Variants in FSTL4 observed in about 807,000 individuals in gnomAD.
FSTL4 encodes the protein follistatin-related protein 4.
A neutral mutation model predicts 78.2 loss-of-function variants in FSTL4; 28 were observed. The observed-to-expected ratio is 0.36, with a 90% CI of 0.27 to 0.49. The LOEUF is 0.49. FSTL4 is among the 20% of genes least tolerant of loss of function. The pLI, the probability that FSTL4 is intolerant of heterozygous loss-of-function variation, is 0.98. For synonymous variants in FSTL4, 422 were observed against 440.5 expected (o/e 0.96, Z 0.53); for missense variants, 922 against 1,084.9 (o/e 0.85, Z 2.11).
At chr5:133,618,999 T>C in the FSTL4 span, among the ~76,000 whole-genome samples, 1 of 152,222 alleles carries the variant, frequency 6.6e-6, no homozygotes, top group African/African-American at 2.4e-5. Flanking sequence ...TCAAAGTATA[T>C]TTCTCTCTTC....
At position 133,199,469 on chromosome 5, in the gene FSTL4, G is replaced by C; in HGVS notation, c.2155C>G (p.Arg719Gly). The C allele has an allele frequency of 1.2e-6, 2 of 1,614,184 alleles. No homozygotes were observed. The highest frequency in any genetic ancestry group is 4.5e-5 in the East Asian group (2 of 44,876). ...PWLHVQEITVRGEIQTLYDLQ... is the reference protein window; with the variant it reads ...PWLHVQEITVGGEIQTLYDLQ... ...TCATACAGGGTCTGGATCTCGCCCC[G>C]CACTGTGATCTCCTGCACGTGCAGC... The change falls in exon 16 of 16, where the codon CGG becomes GGG. Residue 719 changes from arginine (R) to glycine (G), a missense_variant. Arg to Gly is a moderately radical substitution (Grantham distance 125). Coordinates refer to ENST00000265342, the MANE Select transcript of FSTL4 (RefSeq NM_015082.2). This position sits in a 1 kb window ranked among gnomAD's most constrained non-coding sequence, Gnocchi z 4.4.
chr5:133,631,080 A>C, the FSTL4 span, among the ~76,000 whole-genome samples: 1 of 152,226 alleles, frequency 6.6e-6, no homozygotes, highest in African/African-American at 2.4e-5. Context: ...TTCAGGACAC[A>C]GGCATGGGCA....
the FSTL4 span, among the ~76,000 whole-genome samples, chr5:133,703,017 T>C: frequency 1.1e-4 from 16 of 152,122 alleles, no homozygotes; most frequent in African/African-American, 3.6e-4. Context: ...AGGGAGGCCC[T>C]GTGGGCAGGA....
At chr5:133,704,551 G>A in the FSTL4 span, among the ~76,000 whole-genome samples, 10 of 152,212 alleles carry the variant, frequency 6.6e-5, no homozygotes, top group African/African-American at 1.2e-4. Flanking sequence ...CAAAGGCACC[G>A]GGTTGCCATT....
At chr5:133,532,683 T>C (rs1248866050) in intron 3 of FSTL4, among the ~76,000 whole-genome samples, 3 of 152,180 alleles carry the variant, frequency 2.0e-5, no homozygotes, top group South Asian at 2.1e-4. Context: ...AAAATGTACA[T>C]TGCACGGTAA....
chr5:133,833,168 C>T, the FSTL4 span, among the ~76,000 whole-genome samples: 1 of 152,082 alleles, frequency 6.6e-6, no homozygotes, highest in South Asian at 2.1e-4. Context: ...GGAGCAGAGC[C>T]CACAGTCAGT....
At chr5:133,840,393 G>C in the FSTL4 span, among the ~76,000 whole-genome samples, 1 of 152,210 alleles carries the variant, frequency 6.6e-6, no homozygotes, top group Non-Finnish European at 1.5e-5. Context: ...AAGGTAGTAG[G>C]TTTAGTGAGA....
At chr5:133,387,273 C>T (rs186073869) in intron 4 of FSTL4, among the ~76,000 whole-genome samples, 2 of 152,286 alleles carry the variant, frequency 1.3e-5, no homozygotes, top group Admixed American at 1.3e-4. Context: ...GTACTGGTGC[C>T]GTCATTTACA....
At chr5:133,467,148 ATG>A (rs772212857) in intron 3 of FSTL4, among the ~76,000 whole-genome samples, 1 of 149,354 alleles carries the variant, frequency 6.7e-6, no homozygotes, top group South Asian at 2.1e-4. Flanking sequence ...GTATATGTGT[ATG>A]TGTGTGAGAG....
the FSTL4 span, among the ~76,000 whole-genome samples, chr5:133,689,161 G>A: frequency 1.1e-4 from 16 of 152,154 alleles, no homozygotes; most frequent in African/African-American, 3.9e-4. Context: ...ACAGTGGCCC[G>A]GTTGGCCAGC....
the FSTL4 span, among the ~76,000 whole-genome samples, chr5:133,671,457 G>T: frequency 6.6e-6 from 1 of 152,160 alleles, no homozygotes; most frequent in Non-Finnish European, 1.5e-5. Flanking sequence ...AAGTTTCATG[G>T]GTATATAATG....
intron 3 of FSTL4, among the ~76,000 whole-genome samples, chr5:133,558,740 C>T (rs9327655): frequency 0.39 from 59,092 of 151,822 alleles, 11,620 homozygotes; most frequent in African/African-American, 0.43. Context: ...CAGTGGGGTG[C>T]GTTAGAATGC....
the FSTL4 span, among the ~76,000 whole-genome samples, chr5:133,705,731 A>G: frequency 6.6e-6 from 1 of 152,070 alleles, no homozygotes; most frequent in Non-Finnish European, 1.5e-5. Context: ...CATCCCTGTG[A>G]TGGGTCCTCT....
intron 2 of FSTL4, among the ~76,000 whole-genome samples, chr5:133,578,555 A>G (rs1760332948): frequency 6.6e-6 from 1 of 152,264 alleles, no homozygotes; most frequent in African/African-American, 2.4e-5. Flanking sequence ...AATGGTGATT[A>G]CCAGACACTA....
intron 2 of FSTL4, chr5:133,583,276 GATCAAGGCCCC>G (rs1240940895): frequency 2.2e-6 from 1 of 444,500 alleles, no homozygotes; most frequent in African/African-American, 2.0e-5. Context: ...TCCTCCTTAA[GATCAAGGCCCC>G]AGGAGGAGCC....
the FSTL4 span, among the ~76,000 whole-genome samples, chr5:133,745,299 G>A: frequency 6.6e-6 from 1 of 152,158 alleles, no homozygotes; most frequent in Admixed American, 6.5e-5. Flanking sequence ...ATTGGAAAAT[G>A]TTTTAGACCC....
chr5:133,353,929 C>A (rs1249526546), intron 4 of FSTL4, among the ~76,000 whole-genome samples: 1 of 152,192 alleles, frequency 6.6e-6, no homozygotes, highest in East Asian at 1.9e-4. Context: ...TTGGCTCTTC[C>A]CTGCTGAGGA....
the FSTL4 span, among the ~76,000 whole-genome samples, chr5:133,837,989 G>A: frequency 6.6e-6 from 1 of 152,282 alleles, no homozygotes; most frequent in East Asian, 1.9e-4. Flanking sequence ...CCAGGTTCAA[G>A]AGATTCTCCT....
Position 133,263,565 on chromosome 5 carries a change from G to C in FSTL4, c.728-13989C>G, listed in dbSNP as rs527864208. Among the ~76,000 whole-genome samples the C allele has an allele frequency of 3.3e-4, 50 of 152,262 alleles. 1 individual carries two copies. Among genetic ancestry groups the C allele is most frequent in the East Asian group, 2.9e-3 (15 of 5,172 alleles). On this transcript the variant is annotated intron_variant, in intron 6 of 15. Transcript: ENST00000265342. ...GGGCTTGGCAACACAGAGGTCATTT[G>C]GGACCTCTAATGTTTCGTTAGAGCA...
Sources: allele counts gnomAD v4.1 joint callset (sites outside exome capture counted in the v4.1 genomes callset), GRCh38; gene constraint gnomAD v4.1.1; non-coding constraint Gnocchi (gnomAD v3.1); transcripts MANE v1.5; gene names NCBI Gene and HGNC (gene_info 2026-07-23, HGNC 2026-07-21).